NDST1: variants seen among roughly 807,000 people sequenced by gnomAD.
NDST1 encodes the protein N-deacetylase and N-sulfotransferase 1, also known as bifunctional heparan sulfate N-deacetylase/N-sulfotransferase 1.
A neutral mutation model predicts 92.8 loss-of-function variants in NDST1; 35 were observed. The ratio of observed to expected loss-of-function variants is 0.38; its 90% CI spans 0.29 to 0.50. NDST1 has a LOEUF of 0.50. Among genes scored for constraint, NDST1 ranks in the 20% least tolerant of loss-of-function variants. The pLI is 0.94. For synonymous variants in NDST1, 493 were observed against 500.3 expected (o/e 0.99, Z 0.19); for missense variants, 822 against 1,182.7 (o/e 0.69, Z 4.47).
chr5:150,521,070 G>T lies in NDST1; in HGVS notation c.-185G>T, dbSNP rs559834462. The T allele has an allele frequency of 1.8e-5, 11 of 613,256 alleles. No individual in the cohort carries two copies. The highest frequency in any genetic ancestry group is 3.2e-5 in the Non-Finnish European group (11 of 347,890). The allele number at this position is 613,256 out of a possible 1,614,324, so 38.0% of individuals were successfully genotyped here. ...GGAGCGTGACCAGCCTGTGGACTGCGCCCCTGGCTGGGAGGAAGGACTGGG... is the reference window on the plus strand; with the variant it reads ...GGAGCGTGACCAGCCTGTGGACTGCTCCCCTGGCTGGGAGGAAGGACTGGG... On this transcript the variant is annotated 5_prime_UTR_variant, in exon 2 of 15. Coordinates refer to ENST00000261797, the MANE Select transcript of NDST1 (RefSeq NM_001543.5). This position sits in a 1 kb window ranked among gnomAD's most constrained non-coding sequence, Gnocchi z 5.9.
chr5:150,524,535 T>C (rs919662545), intron 2 of NDST1, among the ~76,000 whole-genome samples: 23 of 152,274 alleles, frequency 1.5e-4, no homozygotes, highest in Non-Finnish European at 1.8e-4. Context: ...ATTGAGCACT[T>C]ACTGTGTCCC....
At position 150,521,244 on chromosome 5, in the gene NDST1, C is replaced by A; in HGVS notation, c.-11C>A. 6.2e-7 allele frequency: 1 copy of A among 1,602,582 alleles called. No individual in the cohort carries two copies. Among genetic ancestry groups the A allele is most frequent in the South Asian group, 1.1e-5 (1 of 90,998 alleles). ...GCCGGGCCTCCGGTGGCCAAGGTCT[C>A]GGAGGCCAGGATGCCTGCCCTGGCA... On this transcript the variant is annotated 5_prime_UTR_variant, in exon 2 of 15. Coordinates refer to ENST00000261797, the MANE Select transcript of NDST1 (RefSeq NM_001543.5). This position sits in a 1 kb window ranked among gnomAD's most constrained non-coding sequence, Gnocchi z 5.9.
intron 10 of NDST1, 52 bp from the exon 11 acceptor site, chr5:150,545,260 G>A (rs2151299365): frequency 6.2e-7 from 1 of 1,603,518 alleles, no homozygotes; most frequent in Admixed American, 1.7e-5. Context: ...CATTCCCTTA[G>A]CCCCCTCCTC....
intron 13 of NDST1, among the ~76,000 whole-genome samples, chr5:150,551,475 A>C (rs902634955): frequency 1.9e-4 from 29 of 152,072 alleles, no homozygotes; most frequent in Admixed American, 1.9e-3. Context: ...GAAACTGTTC[A>C]TGTTGTAGAT....
intron 12 of NDST1, among the ~76,000 whole-genome samples, chr5:150,548,895 A>G (rs998719506): frequency 3.3e-5 from 5 of 152,214 alleles, no homozygotes; most frequent in African/African-American, 1.2e-4. Flanking sequence ...CCTGTGTCCC[A>G]TCACCACAGG....
rs190300209 is a variant in NDST1 at position 150,535,656 on chromosome 5, G to A, written c.1252-44G>A. 5.6e-6 allele frequency: 9 copies of A among 1,609,682 alleles called. 1 individual carries two copies. In the Admixed American group the frequency reaches 1.3e-4, roughly 24 times the overall value. On this transcript the variant is annotated intron_variant, in intron 5 of 14. Transcript: ENST00000261797. ...CAAAGGGGGGATAAGGCCCAAAGGG[G>A]AAGGACCCCTATGCTCACCCTGGCC...
At chr5:150,508,836 C>T (rs1255077502) in intron 1 of NDST1, among the ~76,000 whole-genome samples, 1 of 152,166 alleles carries the variant, frequency 6.6e-6, no homozygotes, top group African/African-American at 2.4e-5. Context: ...ATTAGATTCT[C>T]AAAGGGTTCT....
At position 150,540,189 on chromosome 5, in the gene NDST1, G is replaced by A. The variant is rs1755179946; in HGVS notation, c.1674G>A (p.Leu558=). The stretch of plus-strand genomic sequence containing the variant: ...TGCACTCCTGGACGAACCTCCGGCT[G>A]CAGACACTGCCCCCTGTGCAGTTGG... ...RFLHSWTNLR[L]QTLPPVQLAQ... is the part of the protein sequence containing the mutation. Residue 558 remains leucine (L), a synonymous_variant, in exon 8 of 15, where the codon CTG becomes CTA. Coordinates refer to ENST00000261797, the MANE Select transcript of NDST1 (RefSeq NM_001543.5). 11 of 1,614,112 alleles carry A rather than the reference G, an allele frequency of 6.8e-6. No individual in the cohort carries two copies. The highest frequency in any genetic ancestry group is 1.3e-5 in the African/African-American group (1 of 74,950).
At position 150,534,722 on chromosome 5, in the gene NDST1, G is replaced by A. The variant is rs1452023200; in HGVS notation, c.1097-145G>A. On this transcript the variant is annotated intron_variant, in intron 4 of 14. Transcript: ENST00000261797. ...ATTCAGGGCTCTGGGCTGGGGCTCTGTCTGCTCCTGTGCTGTAGCCCAGAT... is the reference window on the plus strand; with the variant it reads ...ATTCAGGGCTCTGGGCTGGGGCTCTATCTGCTCCTGTGCTGTAGCCCAGAT... The A allele has an allele frequency of 4.2e-6, 4 of 955,040 alleles. No individual in the cohort carries two copies. In the Admixed American group the frequency reaches 8.6e-5, roughly 21 times the overall value. 59.2% of individuals were successfully genotyped at this position (955,040 alleles called of 1,614,324 possible).
chr5:150,499,519 G>A (rs1411146120), intron 1 of NDST1, among the ~76,000 whole-genome samples: 34 of 152,194 alleles, frequency 2.2e-4, no homozygotes, highest in Non-Finnish European at 5.9e-5. Flanking sequence ...TGTGTCCCTC[G>A]AAGCATGGAA....
intron 1 of NDST1, among the ~76,000 whole-genome samples, chr5:150,502,607 A>G (rs905826737): frequency 2.0e-5 from 3 of 152,094 alleles, no homozygotes; most frequent in Non-Finnish European, 4.4e-5. Context: ...AGGGGCCCCA[A>G]TGCTAGGAGT....
At chr5:150,545,780 T>C (rs1479880514) in intron 11 of NDST1, among the ~76,000 whole-genome samples, 1 of 152,096 alleles carries the variant, frequency 6.6e-6, no homozygotes, top group Non-Finnish European at 1.5e-5. Context: ...GAAGCTTAGA[T>C]TTGGTGAACA....
chr5:150,553,247 A>C lies in NDST1; in HGVS notation c.2564A>C (p.His855Pro), dbSNP rs747918725. 10 of 1,613,854 alleles carry C rather than the reference A, an allele frequency of 6.2e-6. No individual in the cohort carries two copies. In the South Asian group the frequency reaches 9.9e-5, roughly 16 times the overall value. ...RAFLKDYYRD[H>P]NIELSKLLYK... ...TTCCTGAAGGACTATTACCGGGACC[A>C]CAACATCGAGCTCTCCAAGCTGCTG... The change falls in exon 15 of 15, where the codon CAC (histidine) becomes CCC (proline). Residue 855 changes from histidine to proline, a missense_variant. Coordinates refer to ENST00000261797, the MANE Select transcript of NDST1 (RefSeq NM_001543.5). The surrounding 1 kb of genome is among the most constrained non-coding windows in gnomAD (Gnocchi z 4.2).
At chr5:150,539,764 T>A (rs1427578881) in intron 7 of NDST1, 6 of 985,394 alleles carry the variant, frequency 6.1e-6, no homozygotes, top group Non-Finnish European at 7.2e-6. Context: ...AAGTGGTGGT[T>A]GTTATTCAGC....
At chr5:150,510,304 C>T (rs1753665987) in intron 1 of NDST1, among the ~76,000 whole-genome samples, 1 of 152,204 alleles carries the variant, frequency 6.6e-6, no homozygotes, top group Non-Finnish European at 1.5e-5. Context: ...TTGGGATATG[C>T]TGCTTTGTTC....
chr5:150,536,872 C>G (rs562152013), intron 6 of NDST1, among the ~76,000 whole-genome samples: 1 of 152,386 alleles, frequency 6.6e-6, no homozygotes, highest in African/African-American at 2.4e-5. Context: ...AGCCTCACAT[C>G]TATCCCTTTC....
intron 1 of NDST1, among the ~76,000 whole-genome samples, chr5:150,499,631 C>T (rs536586115): frequency 6.6e-6 from 1 of 152,354 alleles, no homozygotes; most frequent in East Asian, 1.9e-4. Context: ...ATCCCTCCAG[C>T]TGTGAAGGTT....
At chr5:150,519,793 G>A (rs1347557677) in intron 1 of NDST1, among the ~76,000 whole-genome samples, 1 of 152,232 alleles carries the variant, frequency 6.6e-6, no homozygotes, top group Non-Finnish European at 1.5e-5. Flanking sequence ...TGTGTTTGGG[G>A]TTGCTGTTTG....
intron 2 of NDST1, among the ~76,000 whole-genome samples, chr5:150,522,954 C>T (rs948839089): frequency 7.9e-5 from 12 of 152,174 alleles, no homozygotes; most frequent in South Asian, 2.1e-4. Context: ...AGAGGAGGAG[C>T]GGGAGATGGG....
Sources: allele counts gnomAD v4.1 joint callset (sites outside exome capture counted in the v4.1 genomes callset), GRCh38; gene constraint gnomAD v4.1.1; non-coding constraint Gnocchi (gnomAD v3.1); transcripts MANE v1.5; gene names NCBI Gene and HGNC (gene_info 2026-07-23, HGNC 2026-07-21).